Variants in DLGAP2 observed in about 807,000 individuals in gnomAD.
DLGAP2 encodes the protein DLG associated protein 2.
In DLGAP2, 26 loss-of-function variants were observed where a neutral mutation model predicts 100.3. That is an observed-to-expected ratio of 0.26 (90% CI 0.19 to 0.36). DLGAP2 has a LOEUF of 0.36. Ranked by LOEUF, DLGAP2 falls within the 10% of genes least tolerant of loss-of-function variation. The pLI is 1.00. For synonymous variants in DLGAP2, 886 were observed against 630.1 expected (o/e 1.41, Z -6.08); for missense variants, 1,858 against 1,453.2 (o/e 1.28, Z -4.53).
chr8:1,037,654 G>C (rs1467954048), intron 2 of DLGAP2, among the ~76,000 whole-genome samples: 1 of 152,232 alleles, frequency 6.6e-6, no homozygotes, highest in Non-Finnish European at 1.5e-5. Flanking sequence ...TTAGTGAGCA[G>C]TGGCTCTGCC....
intron 12 of DLGAP2, among the ~76,000 whole-genome samples, chr8:1,679,979 C>CAAAAAAAAAAAAAAAAAAAAA (rs760100523): frequency 1.6e-5 from 1 of 63,528 alleles, no homozygotes; most frequent in Non-Finnish European, 2.9e-5. Flanking sequence ...GACTCTGTCT[C>CAAAAAAAAAAAAAAAAAAAAA]AAAAAAAAAA....
At chr8:1,279,161 C>G (rs962250474) in intron 3 of DLGAP2, among the ~76,000 whole-genome samples, 13 of 152,174 alleles carry the variant, frequency 8.5e-5, no homozygotes, top group African/African-American at 2.9e-4. Flanking sequence ...CTTTGACAGT[C>G]TTATCTATGA....
At chr8:1,454,330 A>C (rs1470555218) in intron 3 of DLGAP2, among the ~76,000 whole-genome samples, 1 of 151,188 alleles carries the variant, frequency 6.6e-6, no homozygotes, top group African/African-American at 2.4e-5. Context: ...GTCTGAACAC[A>C]GTGAGGTTTT....
intron 2 of DLGAP2, among the ~76,000 whole-genome samples, chr8:1,098,392 C>G (rs1563190588): frequency 1.3e-5 from 2 of 152,304 alleles, no homozygotes; most frequent in South Asian, 4.1e-4. Flanking sequence ...TCAGGGACAC[C>G]CGACGTGTGA....
At chr8:1,174,601 C>T (rs1252350197) in intron 2 of DLGAP2, among the ~76,000 whole-genome samples, 1 of 151,788 alleles carries the variant, frequency 6.6e-6, no homozygotes, top group African/African-American at 2.4e-5. Flanking sequence ...TCGTCATCAT[C>T]ATTACATCAC....
chr8:1,374,032 G>A (rs1036586838), intron 3 of DLGAP2, among the ~76,000 whole-genome samples: 2 of 152,202 alleles, frequency 1.3e-5, no homozygotes, highest in Non-Finnish European at 2.9e-5. Flanking sequence ...GGCGTTTGCA[G>A]AGGGCTGTGT....
At chr8:758,145 TC>T (rs1820967731) in intron 1 of DLGAP2, among the ~76,000 whole-genome samples, 1 of 152,236 alleles carries the variant, frequency 6.6e-6, no homozygotes, top group Non-Finnish European at 1.5e-5. Flanking sequence ...GGAGTGGCCA[TC>T]CCGAGGTTCC....
chr8:848,383 G>A (rs1407817753), intron 1 of DLGAP2, among the ~76,000 whole-genome samples: 12 of 120,784 alleles, frequency 9.9e-5, no homozygotes, highest in Admixed American at 8.0e-4. Context: ...AGGGTCGTGC[G>A]GTGCGTGTTC....
At chr8:1,234,935 T>A (rs533456266) in intron 2 of DLGAP2, among the ~76,000 whole-genome samples, 1 of 152,112 alleles carries the variant, frequency 6.6e-6, no homozygotes, top group South Asian at 2.1e-4. Flanking sequence ...ACACAAAGCA[T>A]TGTGTCTGCT....
rs374478846 is a variant in DLGAP2, at chr8:938,316, G to A, written c.73+30350G>A. ...AGGCTTAAGCGATCCTCCTTCCTCCGTCTCTGGGTAGCTAGGACTACAGGT... is the reference window on the plus strand; with the variant it reads ...AGGCTTAAGCGATCCTCCTTCCTCCATCTCTGGGTAGCTAGGACTACAGGT... On this transcript the variant is annotated intron_variant, in intron 2 of 14. Coordinates refer to ENST00000637795, the MANE Select transcript of DLGAP2 (RefSeq NM_001346810.2). Among the ~76,000 whole-genome samples, 12 of 152,104 alleles carry A rather than the reference G, an allele frequency of 7.9e-5. No individual in the cohort carries two copies. In the East Asian group the frequency reaches 1.2e-3, roughly 15 times the overall value.
At chr8:1,556,226 C>T (rs1449848640) in intron 5 of DLGAP2, among the ~76,000 whole-genome samples, 1 of 152,206 alleles carries the variant, frequency 6.6e-6, no homozygotes, top group African/African-American at 2.4e-5. Context: ...AGCTGAGGCT[C>T]TGCTTCTGCA....
intron 3 of DLGAP2, among the ~76,000 whole-genome samples, chr8:1,494,899 C>T (rs1799499790): frequency 6.6e-6 from 1 of 152,138 alleles, no homozygotes; most frequent in South Asian, 2.1e-4. Flanking sequence ...CTTCCCCAGG[C>T]GTCAATTTCT....
chr8:965,398 AC>A (rs1454676389), intron 2 of DLGAP2, among the ~76,000 whole-genome samples: 5 of 67,964 alleles, frequency 7.4e-5, no homozygotes, highest in African/African-American at 1.4e-4. Flanking sequence ...TTCATCACAC[AC>A]GCGGCTCCAG....
At chr8:890,156 C>G (rs926874491) in intron 1 of DLGAP2, among the ~76,000 whole-genome samples, 1 of 152,058 alleles carries the variant, frequency 6.6e-6, no homozygotes, top group Non-Finnish European at 1.5e-5. Flanking sequence ...TGTTTTTTTC[C>G]GATGGGAGCC....
At chr8:983,284 G>A (rs994022333) in intron 2 of DLGAP2, among the ~76,000 whole-genome samples, 2 of 151,304 alleles carry the variant, frequency 1.3e-5, no homozygotes, top group Non-Finnish European at 2.9e-5. Flanking sequence ...GGTACAGGTC[G>A]TCGAGATGTT....
intron 3 of DLGAP2, among the ~76,000 whole-genome samples, chr8:1,285,828 G>T (rs115975400): frequency 0.017 from 2,555 of 152,146 alleles, 91 homozygotes; most frequent in African/African-American, 0.058. Flanking sequence ...AATGAGCTGG[G>T]CGTAGTGGCA....
chr8:777,413 T>C (rs964723581), intron 1 of DLGAP2, among the ~76,000 whole-genome samples: 39 of 152,318 alleles, frequency 2.6e-4, no homozygotes, highest in African/African-American at 9.4e-4. Flanking sequence ...CTGTTTATTT[T>C]GCTCGTTAGT....
intron 2 of DLGAP2, among the ~76,000 whole-genome samples, chr8:997,490 A>G (rs1052103298): frequency 6.6e-5 from 10 of 152,220 alleles, no homozygotes; most frequent in African/African-American, 2.4e-4. Context: ...CTCAGGAGTA[A>G]CCATCATTCA....
chr8:1,283,549 G>A (rs976929312), intron 3 of DLGAP2, among the ~76,000 whole-genome samples: 2 of 152,182 alleles, frequency 1.3e-5, no homozygotes, highest in African/African-American at 4.8e-5. Context: ...TTGGCACTCG[G>A]CTTTGCTTCG....
Sources: allele counts gnomAD v4.1 joint callset (sites outside exome capture counted in the v4.1 genomes callset), GRCh38; gene constraint gnomAD v4.1.1; transcripts MANE v1.5; gene names NCBI Gene and HGNC (gene_info 2026-07-23, HGNC 2026-07-21).